ARHGAP33: variants seen among roughly 807,000 people sequenced by gnomAD.
ARHGAP33 encodes the protein Rho GTPase activating protein 33.
ARHGAP33 carries 57 observed loss-of-function variants against 126.2 expected under a neutral mutation model. The ratio of observed to expected loss-of-function variants is 0.45; its 90% CI spans 0.36 to 0.56. The LOEUF (loss-of-function observed/expected upper bound fraction) is 0.56. ARHGAP33 is among the 20% of genes least tolerant of loss of function. The pLI is 0.00. For missense variants in ARHGAP33, 1,500 were observed against 1,748.3 expected (o/e 0.86, Z 2.53); for synonymous variants, 711 against 755.0 (o/e 0.94, Z 0.95).
At position 35,786,940 on chromosome 19, in the gene ARHGAP33, C is replaced by A; in HGVS notation, c.2470C>A (p.Pro824Thr). 2 of 1,611,110 alleles carry A rather than the reference C, an allele frequency of 1.2e-6. No homozygotes were observed. Among genetic ancestry groups the A allele is most frequent in the Non-Finnish European group, 1.7e-6 (2 of 1,179,600 alleles). ...GGAPASATPT[P>T]ALSPGRSLRP... Reference sequence around the variant, plus strand: ...AGCACCTGCCTCAGCCACCCCAACACCAGCTCTCAGCCCCGGCCGGAGCCT... The same window carrying A: ...AGCACCTGCCTCAGCCACCCCAACAACAGCTCTCAGCCCCGGCCGGAGCCT... The change falls in exon 20 of 21, where the codon CCA becomes ACA. Residue 824 changes from proline to threonine, a missense_variant. By Grantham distance (38) the Pro-to-Thr change is conservative. Coordinates refer to ENST00000007510, the MANE Select transcript of ARHGAP33 (RefSeq NM_001366178.1). The surrounding 1 kb of genome is among the most constrained non-coding windows in gnomAD (Gnocchi z 7.0).
chr19:35,779,966 G>A, intron 6 of ARHGAP33: 1 of 614,406 alleles, frequency 1.6e-6, no homozygotes, highest in South Asian at 1.5e-5. Context: ...GGAAGCCTTT[G>A]GGTGGGAGAG....
At chr19:35,784,710 A>G (rs1972007489) in intron 16 of ARHGAP33, 1 of 1,329,010 alleles carries the variant, frequency 7.5e-7, no homozygotes, top group Admixed American at 3.9e-5. Flanking sequence ...GCCCGAGGTA[A>G]CTGAAGCCAG....
At chr19:35,781,748 C>A (rs912437646) in intron 12 of ARHGAP33, among the ~76,000 whole-genome samples, 3 of 152,098 alleles carry the variant, frequency 2.0e-5, no homozygotes, top group Non-Finnish European at 4.4e-5. Flanking sequence ...CAACAGGAGG[C>A]CATGGCCAAG....
In ARHGAP33 at chr19:35,786,902, T is replaced by G. The variant is rs1336284538; in HGVS notation, c.2432T>G (p.Leu811Arg). 2.5e-6 allele frequency: 4 copies of G among 1,609,230 alleles called. No homozygotes were observed. In the South Asian group the frequency reaches 4.4e-5, roughly 18 times the overall value. ...VSVPPAVLEL[L>R]GAGGAPASAT... Reference sequence around the variant, plus strand: ...GTGCCACCCGCTGTCCTAGAACTGCTGGGGGCTGGGGGAGCACCTGCCTCA... The same window carrying G: ...GTGCCACCCGCTGTCCTAGAACTGCGGGGGGCTGGGGGAGCACCTGCCTCA... Residue 811 changes from leucine (L) to arginine (R), a missense_variant, in exon 20 of 21, where the codon CTG becomes CGG. Transcript: ENST00000007510. The surrounding 1 kb of genome is among the most constrained non-coding windows in gnomAD (Gnocchi z 7.0).
chr19:35,775,592 G>C lies in ARHGAP33; in HGVS notation c.-67G>C, dbSNP rs1746493260. 3 of 1,466,816 alleles carry C rather than the reference G, an allele frequency of 2.0e-6. No individual in the cohort carries two copies. Among genetic ancestry groups the C allele is most frequent in the Non-Finnish European group, 1.8e-6 (2 of 1,113,046 alleles). The allele number at this position is 1,466,816 out of a possible 1,614,324, so 90.9% of individuals were successfully genotyped here. A position where few individuals can be genotyped will look rare whatever the true frequency, so the allele number is the denominator to read the frequency against. ...CTCCCCTTTGTGTCGCCATGGCGGC[G>C]GCAGCGGCGACGAGAACGGCGAGCG... On this transcript the variant is annotated 5_prime_UTR_variant, in exon 1 of 21. Coordinates refer to ENST00000007510, the MANE Select transcript of ARHGAP33 (RefSeq NM_001366178.1).
rs755300001 is a variant in ARHGAP33, at chr19:35,782,628, G to A, written c.1262G>A (p.Arg421His). The A allele has an allele frequency of 8.1e-6, 13 of 1,613,562 alleles. No homozygotes were observed. The highest frequency in any genetic ancestry group is 1.3e-5 in the African/African-American group (1 of 74,906). ...EAMSVPGEEERLVRVHDVIQQ... is the reference protein window; with the variant it reads ...EAMSVPGEEEHLVRVHDVIQQ... ...ATGTCAGTGCCTGGGGAGGAGGAGC[G>A]TCTGGTGCGGGTGCACGATGTCATC... The change falls in exon 14 of 21, where the codon CGT becomes CAT. Residue 421 changes from arginine to histidine, a missense_variant. By Grantham distance (29) the Arg-to-His change is conservative (BLOSUM62 0). Transcript: ENST00000007510. The surrounding 1 kb of genome is among the most constrained non-coding windows in gnomAD (Gnocchi z 4.1).
Position 35,787,021 on chromosome 19 carries a change from G to A in ARHGAP33, c.2551G>A (p.Ala851Thr), listed in dbSNP as rs1273185028. 57 of 1,609,270 alleles carry A rather than the reference G, an allele frequency of 3.5e-5. No individual in the cohort carries two copies. Among genetic ancestry groups the A allele is most frequent in the Non-Finnish European group, 4.6e-5 (54 of 1,177,900 alleles). The change falls in exon 20 of 21, where the codon GCC becomes ACC. Residue 851 changes from alanine to threonine, a missense_variant. Physicochemically the swap from Ala to Thr is moderately conservative, Grantham distance 58 (BLOSUM62 0). Coordinates refer to ENST00000007510, the MANE Select transcript of ARHGAP33 (RefSeq NM_001366178.1). Reference sequence around the variant, plus strand: ...AGGAGCCGAGGCCCCGCTGACTGACGCCTGCCAGCAGGAGATGTGCAGCAA... The same window carrying A: ...AGGAGCCGAGGCCCCGCTGACTGACACCTGCCAGCAGGAGATGTGCAGCAA... ...LRGAEAPLTD[A>T]CQQEMCSKLR...
intron 15 of ARHGAP33, among the ~76,000 whole-genome samples, chr19:35,783,965 C>G (rs1868970644): frequency 6.7e-6 from 1 of 149,384 alleles, no homozygotes; most frequent in South Asian, 2.1e-4. Flanking sequence ...GGTGTTTGGC[C>G]AGAGCCACAG....
Position 35,786,039 on chromosome 19 carries a change from C to T in ARHGAP33, c.1943-374C>T. 8.7e-7 allele frequency: 1 copy of T among 1,152,094 alleles called. No individual in the cohort carries two copies. The highest frequency in any genetic ancestry group is 1.1e-6 in the Non-Finnish European group (1 of 934,656). 71.4% of individuals were successfully genotyped at this position (1,152,094 alleles called of 1,614,324 possible). ...GCGCTGCTGGGTGCTGCTCTCCGAC[C>T]TCTGCGGGGGGCTGCTTATCCACCC... On this transcript the variant is annotated intron_variant, in intron 19 of 20. Coordinates refer to ENST00000007510, the MANE Select transcript of ARHGAP33 (RefSeq NM_001366178.1). This position sits in a 1 kb window ranked among gnomAD's most constrained non-coding sequence, Gnocchi z 7.0.
At chr19:35,777,324 A>G (rs1599770207) in intron 1 of ARHGAP33, among the ~76,000 whole-genome samples, 2 of 152,156 alleles carry the variant, frequency 1.3e-5, no homozygotes, top group Admixed American at 6.5e-5. Flanking sequence ...GTGATTGTCT[A>G]GACAGTGGTA....
chr19:35,780,005 G>A (rs1971666854), intron 6 of ARHGAP33: 2 of 728,044 alleles, frequency 2.7e-6, no homozygotes. Flanking sequence ...GAAATAAAGG[G>A]GTTTTTCTTA....
rs1020024684 is a variant in ARHGAP33, at chr19:35,782,134, C to A, written c.1086-239C>A. The stretch of plus-strand genomic sequence containing the variant: ...TCAGACAGTCTTGGGTAGCTGCAGG[C>A]AGAGGCACCTCTGTCTGAGCCTCAG... On this transcript the variant is annotated intron_variant, in intron 12 of 20. Transcript: ENST00000007510. The surrounding 1 kb of genome is among the most constrained non-coding windows in gnomAD (Gnocchi z 4.1). Among the ~76,000 whole-genome samples, 2 of 152,158 alleles carry A rather than the reference C, an allele frequency of 1.3e-5. No homozygotes were observed. Among genetic ancestry groups the A allele is most frequent in the African/African-American group, 4.8e-5 (2 of 41,430 alleles).
At chr19:35,777,544 G>A in intron 1 of ARHGAP33, 101 bp from the exon 2 acceptor site, 1 of 935,110 alleles carries the variant, frequency 1.1e-6, no homozygotes, top group South Asian at 1.4e-5. Context: ...AGGGCGGTGT[G>A]TGGAGCGCCC....
At chr19:35,778,765 T>A (rs1413137561) in intron 5 of ARHGAP33, 164 bp downstream of exon 5, 2 of 1,127,316 alleles carry the variant, frequency 1.8e-6, no homozygotes, top group Non-Finnish European at 2.4e-6. Context: ...AGGCTTCTGC[T>A]ACATTTAGCT....
chr19:35,785,607 T>C, intron 19 of ARHGAP33, 124 bp downstream of exon 19: 1 of 1,500,348 alleles, frequency 6.7e-7, no homozygotes, highest in South Asian at 1.3e-5. Flanking sequence ...TTTTGAAAAA[T>C]TTAACCTGGC....
chr19:35,781,220 C>G lies in ARHGAP33; in HGVS notation c.1053C>G (p.Leu351=). 5.6e-6 allele frequency: 9 copies of G among 1,614,114 alleles called. No homozygotes were observed. Among genetic ancestry groups the G allele is most frequent in the Non-Finnish European group, 7.6e-6 (9 of 1,180,024 alleles). ...AHGVVDGIYR[L]SGVSSNIQRL... ...GGGTGGTGGATGGGATCTACCGGCT[C>G]TCAGGCGTGTCTTCCAACATCCAGA... The change falls in exon 12 of 21, where the codon CTC becomes CTG. Residue 351 remains leucine, a synonymous_variant. Coordinates refer to ENST00000007510, the MANE Select transcript of ARHGAP33 (RefSeq NM_001366178.1).
Position 35,786,717 on chromosome 19 carries a change from C to A in ARHGAP33, c.2247C>A (p.Ser749Arg). 1 of 1,533,806 alleles carries A rather than the reference C, an allele frequency of 6.5e-7. No individual in the cohort carries two copies. The highest frequency in any genetic ancestry group is 8.7e-7 in the Non-Finnish European group (1 of 1,145,818). Reference protein sequence around the residue: ...DFDPLTFRCSSPTPGDPAPPA... With the variant: ...DFDPLTFRCSRPTPGDPAPPA... ...ATCCCTTAACCTTCCGCTGCAGCAG[C>A]CCCACCCCAGGGGATCCCGCACCTC... Residue 749 changes from serine to arginine, a missense_variant, in exon 20 of 21, where the codon AGC becomes AGA. Physicochemically the swap from Ser to Arg is moderately radical, Grantham distance 110 (BLOSUM62 -1). This residue lies in a region of ARHGAP33 where 73 missense variants were observed against 110.8 expected (regional missense o/e 0.66). Coordinates refer to ENST00000007510, the MANE Select transcript of ARHGAP33 (RefSeq NM_001366178.1). The surrounding 1 kb of genome is among the most constrained non-coding windows in gnomAD (Gnocchi z 7.0).
chr19:35,775,742 G>A, intron 1 of ARHGAP33, 78 bp downstream of exon 1: 4 of 1,351,618 alleles, frequency 3.0e-6, no homozygotes, highest in Non-Finnish European at 3.9e-6. Context: ...CGCGCGCCCC[G>A]CCCCCGGCCC....
Position 35,781,003 on chromosome 19 carries a change from C to A in ARHGAP33, c.913C>A (p.Arg305=). 6.2e-7 allele frequency: 1 copy of A among 1,611,768 alleles called. No homozygotes were observed. Among genetic ancestry groups the A allele is most frequent in the South Asian group, 1.1e-5 (1 of 91,076 alleles). The change falls in exon 11 of 21, where the codon CGG becomes AGG. Residue 305 remains arginine, a synonymous_variant. Transcript: ENST00000007510. ...SRPSRQRLRQ[R]GILRQRVFGC... ...CCCTTCTCGGCAGCGGCTGCGGCAGCGGGGAATCCTGCGACAGAGGGTGTT... is the reference window on the plus strand; with the variant it reads ...CCCTTCTCGGCAGCGGCTGCGGCAGAGGGGAATCCTGCGACAGAGGGTGTT...
Sources: gnomAD v4.1 joint callset for allele counts (sites outside exome capture counted in the v4.1 genomes callset) on GRCh38, gnomAD v4.1.1 for gene constraint, gnomAD v4.1.1 regional missense constraint, Gnocchi (gnomAD v3.1) non-coding constraint, MANE v1.5 for transcripts, NCBI Gene and HGNC (gene_info 2026-07-23, HGNC 2026-07-21) for gene names.